BAZ1A: variants seen among roughly 807,000 people sequenced by gnomAD.
BAZ1A encodes the protein bromodomain adjacent to zinc finger domain protein 1A.
BAZ1A carries 50 observed loss-of-function variants against 185.2 expected under a neutral mutation model. That is an observed-to-expected ratio of 0.27 (90% CI 0.22 to 0.34). The LOEUF (loss-of-function observed/expected upper bound fraction) is 0.34. BAZ1A is among the 10% of genes least tolerant of loss of function. BAZ1A has a pLI of 1.00. For missense variants in BAZ1A, 1,356 were observed against 1,839.9 expected, an observed-to-expected ratio of 0.74 and a Z score of 4.81; for synonymous variants, 571 against 615.6, an observed-to-expected ratio of 0.93 and a Z score of 1.07.
At chr14:34,848,424 G>A (rs1480745655) in intron 3 of BAZ1A, among the ~76,000 whole-genome samples, 1 of 152,052 alleles carries the variant, frequency 6.6e-6, no homozygotes. Flanking sequence ...TGACCAACAT[G>A]GTGAAACCTC....
chr14:34,853,608 A>T (rs1452262952), intron 3 of BAZ1A, among the ~76,000 whole-genome samples: 1 of 152,092 alleles, frequency 6.6e-6, no homozygotes, highest in Admixed American at 6.5e-5. Context: ...AATGTGGTGA[A>T]ACTCTGTCTT....
intron 4 of BAZ1A, among the ~76,000 whole-genome samples, chr14:34,817,082 A>G (rs2042017451): frequency 6.6e-6 from 1 of 152,208 alleles, no homozygotes; most frequent in Admixed American, 6.5e-5. Context: ...ACTAGGAGAT[A>G]AAACCCTAAT....
Position 34,818,912 on chromosome 14 carries a change from C to T in BAZ1A, c.536+7101G>A, listed in dbSNP as rs184153244. On this transcript the variant is annotated intron_variant, in intron 4 of 26. Coordinates refer to ENST00000360310, the MANE Select transcript of BAZ1A (RefSeq NM_013448.3). Reference sequence around the variant, plus strand: ...ATACCAGCACTTTGGGAGGCCGAGGCGGGCGGATCACGAGGTCAGGAGATC... The same window carrying T: ...ATACCAGCACTTTGGGAGGCCGAGGTGGGCGGATCACGAGGTCAGGAGATC... Among the ~76,000 whole-genome samples, 37 of 152,048 alleles carry T rather than the reference C, an allele frequency of 2.4e-4. 1 individual carries two copies. Among genetic ancestry groups the T allele is most frequent in the African/African-American group, 7.2e-4 (30 of 41,496 alleles).
intron 3 of BAZ1A, among the ~76,000 whole-genome samples, chr14:34,845,940 A>G (rs2042505533): frequency 6.6e-6 from 1 of 152,058 alleles, no homozygotes; most frequent in African/African-American, 2.4e-5. Context: ...AGGCAGAAAA[A>G]GATGTAGGAG....
At chr14:34,866,383 G>A (rs2042859527) in intron 2 of BAZ1A, among the ~76,000 whole-genome samples, 1 of 150,344 alleles carries the variant, frequency 6.7e-6, no homozygotes, top group South Asian at 2.1e-4. Flanking sequence ...AGCTACTCAG[G>A]AGGCTGAGGC....
At chr14:34,755,657 G>T (rs1363823187) in intron 25 of BAZ1A, among the ~76,000 whole-genome samples, 1 of 151,964 alleles carries the variant, frequency 6.6e-6, no homozygotes, top group African/African-American at 2.4e-5. Context: ...CTCTACTTCT[G>T]TAATACCATG....
chr14:34,832,083 A>T lies in BAZ1A; in HGVS notation c.393-5927T>A, dbSNP rs115033745. Among the ~76,000 whole-genome samples, 925 of 151,552 alleles carry T rather than the reference A, an allele frequency of 6.1e-3. 16 individuals are homozygous for T. The highest frequency in any genetic ancestry group is 0.022 in the African/African-American group (893 of 41,308). Reference sequence around the variant, plus strand: ...GTGGTGTGCACTTGCAGTCCCAGCTACTCAGGAGGCTAAGGTTGGAGGATC... The same window carrying T: ...GTGGTGTGCACTTGCAGTCCCAGCTTCTCAGGAGGCTAAGGTTGGAGGATC... On this transcript the variant is annotated intron_variant, in intron 3 of 26. Coordinates refer to ENST00000360310, the MANE Select transcript of BAZ1A (RefSeq NM_013448.3).
Position 34,776,396 on chromosome 14 carries a change from C to T in BAZ1A, c.2356G>A (p.Glu786Lys), listed in dbSNP as rs903696640. 6.2e-7 allele frequency: 1 copy of T among 1,614,066 alleles called. No individual in the cohort carries two copies. Among genetic ancestry groups the T allele is most frequent in the Non-Finnish European group, 8.5e-7 (1 of 1,180,014 alleles). ...EALKQEHQRK[E>K]KELLEKIQSA... ...TGGATTTTTTCTAAGAGCTCTTTCT[C>T]TTTTCGTTGGTGTTCCTGTTTTAAT... is the stretch of plus-strand genomic sequence containing the variant. The change falls in exon 18 of 27, where the codon GAG becomes AAG. Residue 786 changes from glutamate to lysine, a missense_variant. By Grantham distance (56) the Glu-to-Lys change is moderately conservative. Transcript: ENST00000360310.
At chr14:34,863,469 A>T (rs1408923383) in intron 2 of BAZ1A, among the ~76,000 whole-genome samples, 2 of 151,818 alleles carry the variant, frequency 1.3e-5, no homozygotes, top group Non-Finnish European at 2.9e-5. Flanking sequence ...GGCCATGCTC[A>T]TCTAATTTTT....
At chr14:34,760,019 T>C (rs1357489806) in intron 24 of BAZ1A, among the ~76,000 whole-genome samples, 1 of 152,088 alleles carries the variant, frequency 6.6e-6, no homozygotes, top group African/African-American at 2.4e-5. Flanking sequence ...AAAAGCAAAA[T>C]GCTTCCTCAC....
chr14:34,875,109 G>A (rs1429313314), intron 1 of BAZ1A, 29 bp downstream of exon 1: 48 of 361,186 alleles, frequency 1.3e-4, no homozygotes, highest in South Asian at 9.4e-4. Flanking sequence ...TTCCCCGCCG[G>A]CGCCGGCCGG....
intron 2 of BAZ1A, among the ~76,000 whole-genome samples, chr14:34,872,938 A>C (rs867495085): frequency 1.4e-4 from 19 of 132,934 alleles, no homozygotes; most frequent in Non-Finnish European, 1.8e-4. Context: ...AAAAAAAAAA[A>C]AAACTTGTCC....
At position 34,795,840 on chromosome 14, in the gene BAZ1A, G is replaced by A. The variant is rs572901044; in HGVS notation, c.1129-75C>T. On this transcript the variant is annotated intron_variant, in intron 9 of 26. Transcript: ENST00000360310. ...CAGCATCGGCATCTCCTGAGAACTT[G>A]TTAGAAATGCAAATACTTGGACCTT... 3 of 1,129,888 alleles carry A rather than the reference G, an allele frequency of 2.7e-6. No homozygotes were observed. The Admixed American group carries it at 5.9e-5, about 22-fold the overall frequency. 70.0% of individuals were successfully genotyped at this position (1,129,888 alleles called of 1,614,324 possible).
intron 21 of BAZ1A, among the ~76,000 whole-genome samples, chr14:34,769,539 CT>C (rs201408307): frequency 0.015 from 2,293 of 152,120 alleles, 27 homozygotes; most frequent in Non-Finnish European, 0.022. Context: ...CAATGTTAAC[CT>C]TTTTCTTTGT....
chr14:34,798,256 G>C (rs375631600), intron 9 of BAZ1A, among the ~76,000 whole-genome samples: 6 of 152,264 alleles, frequency 3.9e-5, no homozygotes, highest in Admixed American at 6.5e-5. Flanking sequence ...AGACCACACC[G>C]CTGGGGGCAG....
intron 24 of BAZ1A, among the ~76,000 whole-genome samples, chr14:34,759,251 G>A (rs1456615875): frequency 7.3e-6 from 1 of 137,110 alleles, no homozygotes; most frequent in African/African-American, 2.8e-5. Context: ...CGCGATCTTG[G>A]CTCACTGAAA....
At chr14:34,789,595 C>A (rs991003472) in intron 12 of BAZ1A, among the ~76,000 whole-genome samples, 2 of 152,124 alleles carry the variant, frequency 1.3e-5, no homozygotes, top group African/African-American at 4.8e-5. Flanking sequence ...AACAAATACA[C>A]AAAACTGTTC....
chr14:34,863,453 G>A lies in BAZ1A; in HGVS notation c.114-1131C>T, dbSNP rs567827700. ...GCTGGGATTACAGGTGTGAGCCACC[G>A]CGCCCGGCCATGCTCATCTAATTTT... On this transcript the variant is annotated intron_variant, in intron 2 of 26. Transcript: ENST00000360310. 4.0e-5 allele frequency among the ~76,000 whole-genome samples: 6 copies of A among 151,068 alleles called. 1 individual carries two copies. Among genetic ancestry groups the A allele is most frequent in the African/African-American group, 9.7e-5 (4 of 41,180 alleles).
chr14:34,774,304 TA>T, intron 19 of BAZ1A, 22 bp downstream of exon 19: 1 of 1,589,270 alleles, frequency 6.3e-7, no homozygotes. Context: ...TTAGACAAAC[TA>T]AAAATGGGAA....
Sources: allele counts gnomAD v4.1 joint callset (sites outside exome capture counted in the v4.1 genomes callset), GRCh38; gene constraint gnomAD v4.1.1; transcripts MANE v1.5; gene names NCBI Gene and HGNC (gene_info 2026-07-23, HGNC 2026-07-21).